Variants in ACTR3C observed in about 807,000 individuals in gnomAD.
ACTR3C encodes the protein actin related protein 3C.
A neutral mutation model predicts 26.3 loss-of-function variants in ACTR3C; 18 were observed. The ratio of observed to expected loss-of-function variants is 0.68; its 90% CI spans 0.47 to 1.01. The LOEUF (loss-of-function observed/expected upper bound fraction) is 1.01, where lower values mean the gene tolerates loss of function less well. ACTR3C is among the 50% of genes least tolerant of loss of function. The probability of loss-of-function intolerance (pLI) is 0.00; values close to 1 mark genes in which losing one functional copy is unlikely to be tolerated. For missense variants in ACTR3C, 184 were observed against 250.7 expected (o/e 0.73, Z 1.80); for synonymous variants, 55 against 94.5 (o/e 0.58, Z 2.42).
the ACTR3C span, among the ~76,000 whole-genome samples, chr7:149,994,912 T>C: frequency 7.0e-6 from 1 of 143,000 alleles, no homozygotes; most frequent in Non-Finnish European, 1.5e-5. Flanking sequence ...TGGAGTGCAA[T>C]GGAGTGATCT....
intron 6 of ACTR3C, among the ~76,000 whole-genome samples, chr7:150,275,532 G>C (rs553903111): frequency 1.3e-5 from 2 of 152,252 alleles, no homozygotes; most frequent in Non-Finnish European, 2.9e-5. Context: ...CCAACATGGC[G>C]AAACCCCGTC....
At chr7:150,236,919 C>T in the ACTR3C span, among the ~76,000 whole-genome samples, 1 of 150,948 alleles carries the variant, frequency 6.6e-6, no homozygotes, top group Non-Finnish European at 1.5e-5. Context: ...ATAGTCTTTT[C>T]AATGCATCTC....
the ACTR3C span, among the ~76,000 whole-genome samples, chr7:150,035,900 T>G: frequency 2.3e-5 from 3 of 128,206 alleles, 1 homozygote; most frequent in African/African-American, 5.8e-5. Flanking sequence ...TAGCTCTCAG[T>G]CCCCACCCTC....
At chr7:150,079,778 T>A in the ACTR3C span, among the ~76,000 whole-genome samples, 1 of 152,152 alleles carries the variant, frequency 6.6e-6, no homozygotes, top group Admixed American at 6.5e-5. Context: ...TTTTCCCAGC[T>A]CTGCCTTCCC....
the ACTR3C span, among the ~76,000 whole-genome samples, chr7:149,905,571 AT>A: frequency 6.6e-6 from 1 of 151,114 alleles, no homozygotes. Context: ...ATTTTTAAAA[AT>A]GTCATAGAAT....
the ACTR3C span, among the ~76,000 whole-genome samples, chr7:150,201,389 T>C: frequency 2.6e-5 from 4 of 152,368 alleles, no homozygotes; most frequent in African/African-American, 9.6e-5. Flanking sequence ...GCATTTGAGC[T>C]ATTCTTGTCC....
chr7:150,226,599 G>A, the ACTR3C span, among the ~76,000 whole-genome samples: 4 of 152,076 alleles, frequency 2.6e-5, no homozygotes, highest in Admixed American at 2.0e-4. Context: ...ACCACGTCTG[G>A]CTAATTTTTT....
intron 6 of ACTR3C, among the ~76,000 whole-genome samples, chr7:150,256,503 G>A (rs1833231047): frequency 6.6e-6 from 1 of 152,224 alleles, no homozygotes; most frequent in South Asian, 2.1e-4. Flanking sequence ...GTTAACACAG[G>A]AACAGAAAAC....
chr7:149,995,976 A>G, the ACTR3C span, among the ~76,000 whole-genome samples: 2 of 151,512 alleles, frequency 1.3e-5, no homozygotes, highest in Non-Finnish European at 2.9e-5. Flanking sequence ...CATTTTAGAG[A>G]AAGCAGATCA....
At chr7:150,312,632 C>T (rs1263794772) in intron 1 of ACTR3C, among the ~76,000 whole-genome samples, 1 of 152,114 alleles carries the variant, frequency 6.6e-6, no homozygotes. Context: ...TAGAAATGCA[C>T]CTTAGACCCG....
chr7:150,038,967 C>T, the ACTR3C span, among the ~76,000 whole-genome samples: 2 of 93,550 alleles, frequency 2.1e-5, no homozygotes, highest in African/African-American at 7.7e-5. Context: ...GTGGTGGGTG[C>T]CTCCCCCTCC....
At chr7:149,882,038 G>A in the ACTR3C span, 1 of 152,480 alleles carries the variant, frequency 6.6e-6, no homozygotes, top group African/African-American at 2.4e-5. Context: ...AAAGACCAAA[G>A]GGAGCTAAAC....
At chr7:150,042,369 G>T in the ACTR3C span, among the ~76,000 whole-genome samples, 9 of 131,358 alleles carry the variant, frequency 6.9e-5, no homozygotes, top group Non-Finnish European at 1.5e-4. Flanking sequence ...AGCGATGGGG[G>T]TCCTAAGAGC....
the ACTR3C span, among the ~76,000 whole-genome samples, chr7:150,198,976 A>G: frequency 5.6e-5 from 5 of 89,908 alleles, no homozygotes; most frequent in South Asian, 3.8e-4. Context: ...TCCGGGAGGG[A>G]GGTGGGGGGG....
the ACTR3C span, among the ~76,000 whole-genome samples, chr7:150,172,921 G>A: frequency 4.0e-5 from 6 of 150,096 alleles, no homozygotes; most frequent in South Asian, 2.1e-4. Flanking sequence ...TCCAGGTCAC[G>A]CTGATGCAAG....
intron 6 of ACTR3C, among the ~76,000 whole-genome samples, chr7:150,282,038 A>G (rs1402317700): frequency 4.2e-5 from 6 of 143,896 alleles, no homozygotes; most frequent in African/African-American, 1.1e-4. Flanking sequence ...TTAGGCCTCA[A>G]TATTAAACTT....
At chr7:150,241,810 C>T (rs1217580264), downstream of ACTR3C, among the ~76,000 whole-genome samples, 1 of 152,134 alleles carries the variant, frequency 6.6e-6, no homozygotes, top group Non-Finnish European at 1.5e-5. Context: ...AGAAAATGGT[C>T]AGAGGACTCA....
the ACTR3C span, among the ~76,000 whole-genome samples, chr7:150,108,321 G>A: frequency 6.6e-6 from 1 of 150,700 alleles, no homozygotes; most frequent in South Asian, 2.1e-4. Context: ...GAAGAACAGG[G>A]ATATTAATAA....
the ACTR3C span, among the ~76,000 whole-genome samples, chr7:149,938,100 C>T: frequency 6.6e-6 from 1 of 152,154 alleles, no homozygotes; most frequent in Admixed American, 6.6e-5. Flanking sequence ...AGGGATTCCG[C>T]CCTGGGAAAA....
Sources: allele counts gnomAD v4.1 joint callset (sites outside exome capture counted in the v4.1 genomes callset), GRCh38; gene constraint gnomAD v4.1.1; transcripts MANE v1.5; gene names NCBI Gene and HGNC (gene_info 2026-07-23, HGNC 2026-07-21).